The following TSNAXIP1 variants were observed in gnomAD, a reference collection of about 807,000 sequenced individuals.
TSNAXIP1 encodes the protein translin-associated factor X-interacting protein 1.
In TSNAXIP1, 89 loss-of-function variants were observed where a neutral mutation model predicts 84.8. The observed-to-expected ratio is 1.05, with a 90% CI of 0.88 to 1.25. The LOEUF (loss-of-function observed/expected upper bound fraction) is 1.25, where lower values mean the gene tolerates loss of function less well. Among genes scored for constraint, TSNAXIP1 ranks in the 50% most tolerant of loss-of-function variants. The probability of loss-of-function intolerance (pLI) is 0.00; values close to 1 mark genes in which losing one functional copy is unlikely to be tolerated. For synonymous variants in TSNAXIP1, 347 were observed against 335.2 expected, an observed-to-expected ratio of 1.04 and a Z score of -0.39; for missense variants, 874 against 887.6, an observed-to-expected ratio of 0.98 and a Z score of 0.20.
rs547443138 is a variant in TSNAXIP1, at chr16:67,806,892, C to G, written c.-258C>G. 1 of 608,492 alleles carries G rather than the reference C, an allele frequency of 1.6e-6. No individual in the cohort carries two copies. The highest frequency in any genetic ancestry group is 2.0e-5 in the South Asian group (1 of 50,166). The allele number at this position is 608,492 out of a possible 1,614,324, so 37.7% of individuals were successfully genotyped here. ...TCCCTCCCCATGGCCTCTGTTCATC[C>G]CCCTGCCTCAGTTCTGGTACCTGGG... is the stretch of plus-strand genomic sequence containing the variant. On this transcript the variant is annotated 5_prime_UTR_variant, in exon 1 of 16. Coordinates refer to ENST00000561639, the MANE Select transcript of TSNAXIP1 (RefSeq NM_001288990.3).
At chr16:67,810,058 A>G (rs915116503) in intron 1 of TSNAXIP1, among the ~76,000 whole-genome samples, 4 of 152,196 alleles carry the variant, frequency 2.6e-5, no homozygotes, top group African/African-American at 4.8e-5. Context: ...TGTTTCTCTT[A>G]GAGACACTGT....
chr16:67,827,980 A>G lies in TSNAXIP1; in HGVS notation c.2126A>G (p.Glu709Gly). ...DIRRVGPREPEPAS is the reference protein window; with the variant it reads ...DIRRVGPREPGPAS The stretch of plus-strand genomic sequence containing the variant: ...AGGCGTGTGGGACCTCGAGAGCCAG[A>G]GCCTGCAAGCTAGGAACTTGTGGGC... The change falls in exon 16 of 16, where the codon GAG becomes GGG. Residue 709 changes from glutamate to glycine, a missense_variant. Transcript: ENST00000561639. 2.5e-6 allele frequency: 4 copies of G among 1,613,096 alleles called. No homozygotes were observed. The East Asian group carries it at 8.9e-5, about 36-fold the overall frequency.
chr16:67,820,816 A>G lies in TSNAXIP1; in HGVS notation c.148-23A>G, dbSNP rs952264557. ...GAAGGGGAGCAATGTTGCCATGGCAACCCCACCTGTACCTCCCTGCAGACT... is the reference window on the plus strand; with the variant it reads ...GAAGGGGAGCAATGTTGCCATGGCAGCCCCACCTGTACCTCCCTGCAGACT... On this transcript the variant is annotated intron_variant, in intron 2 of 15. Transcript: ENST00000561639. 2.0e-6 allele frequency: 3 copies of G among 1,484,338 alleles called. No homozygotes were observed. The Admixed American group carries it at 6.9e-5, about 34-fold the overall frequency. The allele number at this position is 1,484,338 out of a possible 1,614,324, so 91.9% of individuals were successfully genotyped here. A position where few individuals can be genotyped will look rare whatever the true frequency, so the allele number is the denominator to read the frequency against.
At chr16:67,816,713 C>A (rs2056579659) in intron 2 of TSNAXIP1, among the ~76,000 whole-genome samples, 1 of 152,100 alleles carries the variant, frequency 6.6e-6, no homozygotes, top group African/African-American at 2.4e-5. Flanking sequence ...TGTTCCCTCC[C>A]GCCGTCCCTC....
Position 67,806,925 on chromosome 16 carries a change from C to T in TSNAXIP1, c.-225C>T, listed in dbSNP as rs984452079. 6.2e-6 allele frequency: 4 copies of T among 647,346 alleles called. No homozygotes were observed. The Admixed American group carries it at 8.9e-5, about 14-fold the overall frequency. The allele number at this position is 647,346 out of a possible 1,614,324, so 40.1% of individuals were successfully genotyped here. On this transcript the variant is annotated 5_prime_UTR_variant, in exon 1 of 16. Coordinates refer to ENST00000561639, the MANE Select transcript of TSNAXIP1 (RefSeq NM_001288990.3). ...TCAGTTCTGGTACCTGGGGTCAAAT[C>T]GGCTGTAGTGGTTGACTCTCAGGGC...
chr16:67,827,813 G>A lies in TSNAXIP1; in HGVS notation c.1959G>A (p.Leu653=). Reference sequence around the variant, plus strand: ...GCCTGATGACCATCGACCCCAGCCTGGACAAGCAGACAGTGAACACCTACA... The same window carrying A: ...GCCTGATGACCATCGACCCCAGCCTAGACAAGCAGACAGTGAACACCTACA... The part of the protein sequence containing the change: ...RGGLMTIDPS[L]DKQTVNTYMS... The change falls in exon 16 of 16, where the codon CTG becomes CTA. Residue 653 remains leucine, a synonymous_variant. Coordinates refer to ENST00000561639, the MANE Select transcript of TSNAXIP1 (RefSeq NM_001288990.3). 1.9e-6 allele frequency: 3 copies of A among 1,614,134 alleles called. No homozygotes were observed. Among genetic ancestry groups the A allele is most frequent in the Non-Finnish European group, 2.5e-6 (3 of 1,180,024 alleles).
intron 1 of TSNAXIP1, among the ~76,000 whole-genome samples, chr16:67,812,403 C>T (rs1360331619): frequency 6.6e-6 from 1 of 151,964 alleles, no homozygotes. Flanking sequence ...CACGGTGGCT[C>T]ACACCCGTAA....
Position 67,821,160 on chromosome 16 carries a change from T to C in TSNAXIP1, c.322T>C (p.Tyr108His). 6.3e-7 allele frequency: 1 copy of C among 1,599,726 alleles called. No homozygotes were observed. Among genetic ancestry groups the C allele is most frequent in the South Asian group, 1.1e-5 (1 of 90,554 alleles). ...CCAGTACTTGGAGGAACTGGAAAAC[T>C]ACCTACGCAAGGAGCTCCTCCTGCT... ...KPQYLEELEN[Y>H]LRKELLLLDL... The change falls in exon 4 of 16, where the codon TAC becomes CAC. Residue 108 changes from tyrosine to histidine, a missense_variant. By Grantham distance (83) the Tyr-to-His change is moderately conservative. Coordinates refer to ENST00000561639, the MANE Select transcript of TSNAXIP1 (RefSeq NM_001288990.3).
Position 67,821,177 on chromosome 16 carries a change from C to A in TSNAXIP1, c.339C>A (p.Leu113=), listed in dbSNP as rs1288634998. The A allele has an allele frequency of 1.2e-6, 2 of 1,610,022 alleles. No individual in the cohort carries two copies. ...EELENYLRKE[L]LLLDLGTDST... ...TGGAAAACTACCTACGCAAGGAGCT[C>A]CTCCTGCTGGACCTGGGCACAGATT... The change falls in exon 4 of 16, where the codon CTC becomes CTA. Residue 113 remains leucine (L), a synonymous_variant. Coordinates refer to ENST00000561639, the MANE Select transcript of TSNAXIP1 (RefSeq NM_001288990.3).
intron 1 of TSNAXIP1, among the ~76,000 whole-genome samples, chr16:67,810,410 G>A (rs1223923641): frequency 6.6e-6 from 1 of 151,996 alleles, no homozygotes; most frequent in East Asian, 1.9e-4. Flanking sequence ...CATGAGGTCA[G>A]GAGTTCGAGA....
chr16:67,821,670 GAACAGAAGCATGA>G (rs981385303), intron 4 of TSNAXIP1, among the ~76,000 whole-genome samples: 6 of 151,480 alleles, frequency 4.0e-5, no homozygotes, highest in African/African-American at 1.5e-4. Flanking sequence ...CTCCTTCCCT[GAACAGAAGCATGA>G]AACATCCCAT....
In TSNAXIP1 at chr16:67,826,280, C is replaced by T; in HGVS notation, c.1273C>T (p.Leu425=). 6.3e-7 allele frequency: 1 copy of T among 1,576,742 alleles called. No homozygotes were observed. Among genetic ancestry groups the T allele is most frequent in the East Asian group, 2.2e-5 (1 of 44,522 alleles). ...LLREKDFFPG[L]GYGEAIPAFL... ...GCGGGAGAAAGACTTCTTCCCTGGTCTGGTAGGGGAGGCCCCAGGAGTGGG... is the reference window on the plus strand; with the variant it reads ...GCGGGAGAAAGACTTCTTCCCTGGTTTGGTAGGGGAGGCCCCAGGAGTGGG... Residue 425 remains leucine (L), a splice_region_variant and synonymous_variant, in exon 10 of 16, where the codon CTG becomes TTG. Coordinates refer to ENST00000561639, the MANE Select transcript of TSNAXIP1 (RefSeq NM_001288990.3).
intron 1 of TSNAXIP1, among the ~76,000 whole-genome samples, chr16:67,810,604 G>C (rs2055967096): frequency 6.6e-6 from 1 of 151,944 alleles, no homozygotes; most frequent in South Asian, 2.1e-4. Flanking sequence ...GGGCGACAGA[G>C]CCAGATTACG....
At chr16:67,810,111 G>A (rs1277983060) in intron 1 of TSNAXIP1, among the ~76,000 whole-genome samples, 1 of 152,140 alleles carries the variant, frequency 6.6e-6, no homozygotes, top group Admixed American at 6.6e-5. Flanking sequence ...CAGCATGATG[G>A]ATAAGCTAGA....
chr16:67,814,764 T>C (rs750057216), intron 2 of TSNAXIP1, among the ~76,000 whole-genome samples: 2 of 152,126 alleles, frequency 1.3e-5, no homozygotes, highest in Non-Finnish European at 2.9e-5. Context: ...GCTGGGACGG[T>C]CACACCAGAT....
At chr16:67,813,113 G>A (rs978798451) in intron 1 of TSNAXIP1, among the ~76,000 whole-genome samples, 7 of 151,720 alleles carry the variant, frequency 4.6e-5, no homozygotes, top group East Asian at 3.9e-4. Flanking sequence ...CAGGCCGGTC[G>A]CGGTGGCTTA....
chr16:67,825,046 G>GC (rs2057338186), intron 6 of TSNAXIP1, 91 bp from the exon 7 acceptor site: 2 of 1,524,502 alleles, frequency 1.3e-6, no homozygotes, highest in Non-Finnish European at 1.8e-6. Flanking sequence ...CCCTGATGGG[G>GC]CCCCCCAGAA....
intron 13 of TSNAXIP1, 43 bp downstream of exon 13, chr16:67,827,115 T>C (rs1357741075): frequency 1.2e-6 from 2 of 1,608,252 alleles, no homozygotes; most frequent in African/African-American, 1.3e-5. Flanking sequence ...TACCCAACTA[T>C]TCCTGCATCT....
chr16:67,820,776 G>A (rs1396312443), intron 2 of TSNAXIP1, 63 bp from the exon 3 acceptor site: 1 of 1,246,214 alleles, frequency 8.0e-7, no homozygotes, highest in Non-Finnish European at 1.1e-6. Flanking sequence ...GAGGAGAGAT[G>A]GAGAGAAACA....
Sources: gnomAD v4.1 joint callset for allele counts (sites outside exome capture counted in the v4.1 genomes callset) on GRCh38, gnomAD v4.1.1 for gene constraint, MANE v1.5 for transcripts, NCBI Gene and HGNC (gene_info 2026-07-23, HGNC 2026-07-21) for gene names.